GALNT15: variants seen among roughly 807,000 people sequenced by gnomAD.
The protein encoded by GALNT15 is UDP-GalNAc transferase T15.
A neutral mutation model predicts 66.8 loss-of-function variants in GALNT15; 67 were observed. That is an observed-to-expected ratio of 1.00 (90% CI 0.82 to 1.23). The LOEUF is 1.23. Ranked by LOEUF, GALNT15 falls within the 50% of genes most tolerant of loss-of-function variation. GALNT15 has a pLI of 0.00. For missense variants in GALNT15, 827 were observed against 804.3 expected, an observed-to-expected ratio of 1.03 and a Z score of -0.34; for synonymous variants, 313 against 311.5, an observed-to-expected ratio of 1.00 and a Z score of -0.05.
chr3:16,196,713 T>C (rs772480200), intron 2 of GALNT15, among the ~76,000 whole-genome samples: 8 of 152,230 alleles, frequency 5.3e-5, no homozygotes, highest in South Asian at 2.1e-4. Flanking sequence ...CAGGTGATGC[T>C]GATGCTGCTG....
Position 16,229,349 on chromosome 3 carries a change from T to G in GALNT15, c.*1849T>G, listed in dbSNP as rs2064057470. On this transcript the variant is annotated 3_prime_UTR_variant, in exon 10 of 10. Transcript: ENST00000339732. Reference sequence around the variant, plus strand: ...ATTAAAATCAAAGAAAATTTAAAACTCAATTCCTCAATTGGGCTGGCCACA... The same window carrying G: ...ATTAAAATCAAAGAAAATTTAAAACGCAATTCCTCAATTGGGCTGGCCACA... 1.1e-6 allele frequency: 1 copy of G among 871,654 alleles called. No individual in the cohort carries two copies. Among genetic ancestry groups the G allele is most frequent in the African/African-American group, 1.8e-5 (1 of 54,750 alleles). 54.0% of individuals were successfully genotyped at this position (871,654 alleles called of 1,614,324 possible). A position where few individuals can be genotyped will look rare whatever the true frequency, so the allele number is the denominator to read the frequency against.
At position 16,191,539 on chromosome 3, in the gene GALNT15, C is replaced by T. The variant is rs1027441553; in HGVS notation, c.540-4221C>T. 6.4e-6 allele frequency: 1 copy of T among 155,628 alleles called. No homozygotes were observed. Among genetic ancestry groups the T allele is most frequent in the African/African-American group, 2.4e-5 (1 of 41,508 alleles). 9.6% of individuals were successfully genotyped at this position (155,628 alleles called of 1,614,324 possible). On this transcript the variant is annotated intron_variant, in intron 1 of 9. Transcript: ENST00000339732. This position sits in a 1 kb window ranked among gnomAD's most constrained non-coding sequence, Gnocchi z 5.2. ...CTCCGCAGCTAGGAAGTGGTGGAGC[C>T]TCAGTGTCCACAACCTGAGTTACCA...
At chr3:16,226,249 T>G (rs2064016248) in intron 9 of GALNT15, among the ~76,000 whole-genome samples, 1 of 152,122 alleles carries the variant, frequency 6.6e-6, no homozygotes, top group South Asian at 2.1e-4. Flanking sequence ...AATGAAAATA[T>G]TCTGGAAGTA....
rs1417948076 is a variant in GALNT15, at chr3:16,195,059, T to C, written c.540-701T>C. ...GGTGCTATGCTAGGTTGTAGGAACA[T>C]AAAAATAAAGAAAATAGTGTCCCTG... On this transcript the variant is annotated intron_variant, in intron 1 of 9. Coordinates refer to ENST00000339732, the MANE Select transcript of GALNT15 (RefSeq NM_054110.5). This position sits in a 1 kb window ranked among gnomAD's most constrained non-coding sequence, Gnocchi z 4.6. Among the ~76,000 whole-genome samples the C allele has an allele frequency of 6.6e-6, 1 of 152,124 alleles. No homozygotes were observed. Among genetic ancestry groups the C allele is most frequent in the African/African-American group, 2.4e-5 (1 of 41,412 alleles).
At chr3:16,197,313 A>C (rs944033264) in intron 2 of GALNT15, among the ~76,000 whole-genome samples, 27 of 152,254 alleles carry the variant, frequency 1.8e-4, no homozygotes, top group Admixed American at 1.7e-3. Context: ...CCTCCTGGCC[A>C]ACTCCCCTTC....
intron 2 of GALNT15, among the ~76,000 whole-genome samples, chr3:16,198,816 T>C (rs2063667845): frequency 7.1e-6 from 1 of 140,004 alleles, no homozygotes; most frequent in African/African-American, 2.7e-5. Context: ...AGGGAAGGAG[T>C]GTATGAAGTC....
rs2063403198 is a variant in GALNT15 at position 16,175,800 on chromosome 3, G to A, written c.539+110G>A. 3 of 1,016,506 alleles carry A rather than the reference G, an allele frequency of 3.0e-6. No individual in the cohort carries two copies. Among genetic ancestry groups the A allele is most frequent in the Non-Finnish European group, 4.2e-6 (3 of 716,970 alleles). 63.0% of individuals were successfully genotyped at this position (1,016,506 alleles called of 1,614,324 possible). A position where few individuals can be genotyped will look rare whatever the true frequency, so the allele number is the denominator to read the frequency against. ...CTGCCTCTCCTGACTTAGAGCAAGT[G>A]CTTTTCAAGATGCAGTACCTGGGCC... On this transcript the variant is annotated intron_variant, in intron 1 of 9. Coordinates refer to ENST00000339732, the MANE Select transcript of GALNT15 (RefSeq NM_054110.5). This position sits in a 1 kb window ranked among gnomAD's most constrained non-coding sequence, Gnocchi z 5.6.
At chr3:16,231,707 T>A, downstream of GALNT15, 2 of 1,019,484 alleles carry the variant, frequency 2.0e-6, no homozygotes, top group Non-Finnish European at 2.9e-6. The surrounding 1 kb of genome is among the most constrained non-coding windows in gnomAD (Gnocchi z 4.1). Context: ...TAGCTCATAG[T>A]CAATGGACAT....
At position 16,175,244 on chromosome 3, in the gene GALNT15, G is replaced by C. The variant is rs144505316; in HGVS notation, c.93G>C (p.Ala31=). 1.2e-6 allele frequency: 2 copies of C among 1,614,116 alleles called. No individual in the cohort carries two copies. The highest frequency in any genetic ancestry group is 2.2e-5 in the South Asian group (2 of 91,082). ...LMLGCVLMMV[A]MLHPPHHTLH... is the part of the protein sequence containing the mutation. ...TGGGATGCGTCCTGATGATGGTGGC[G>C]ATGTTGCACCCTCCCCACCACACCC... Residue 31 remains alanine, a synonymous_variant, in exon 1 of 10, where the codon GCG becomes GCC. Coordinates refer to ENST00000339732, the MANE Select transcript of GALNT15 (RefSeq NM_054110.5). This position sits in a 1 kb window ranked among gnomAD's most constrained non-coding sequence, Gnocchi z 5.6.
At chr3:16,238,504 T>C in the GALNT15 span, among the ~76,000 whole-genome samples, 38 of 152,280 alleles carry the variant, frequency 2.5e-4, no homozygotes, top group African/African-American at 8.9e-4. This position sits in a 1 kb window ranked among gnomAD's most constrained non-coding sequence, Gnocchi z 4.8. Context: ...GCAATAGTTG[T>C]TGTACTCAAG....
intron 2 of GALNT15, among the ~76,000 whole-genome samples, chr3:16,198,452 C>A (rs574318285): frequency 7.0e-6 from 1 of 141,866 alleles, no homozygotes; most frequent in African/African-American, 2.6e-5. Flanking sequence ...TCGAGAGATA[C>A]GTGTTTTTAG....
At chr3:16,220,862 G>A (rs1211051766) in intron 8 of GALNT15, among the ~76,000 whole-genome samples, 1 of 152,208 alleles carries the variant, frequency 6.6e-6, no homozygotes, top group Admixed American at 6.5e-5. Flanking sequence ...TGGGCCTATA[G>A]GACATGTGGG....
At position 16,208,542 on chromosome 3, in the gene GALNT15, G is replaced by C. The variant is rs2063781349; in HGVS notation, c.951G>C (p.Trp317Cys). Reference protein sequence around the residue: ...VVSPVIDVIDWKTFQYYPSKD... With the variant: ...VVSPVIDVIDCKTFQYYPSKD... Reference sequence around the variant, plus strand: ...CTCCGGTGATAGATGTGATTGACTGGAAGACTTTCCAGTATTACCCCTCAA... The same window carrying C: ...CTCCGGTGATAGATGTGATTGACTGCAAGACTTTCCAGTATTACCCCTCAA... Residue 317 changes from tryptophan to cysteine, a missense_variant, in exon 4 of 10, where the codon TGG becomes TGC. Physicochemically the swap from Trp to Cys is radical, Grantham distance 215. Coordinates refer to ENST00000339732, the MANE Select transcript of GALNT15 (RefSeq NM_054110.5). 5 of 1,614,002 alleles carry C rather than the reference G, an allele frequency of 3.1e-6. No homozygotes were observed. The highest frequency in any genetic ancestry group is 1.7e-5 in the Admixed American group (1 of 59,998).
rs550362268 is a variant in GALNT15 at position 16,195,971 on chromosome 3, C to T, written c.706+45C>T. 1 of 1,596,128 alleles carries T rather than the reference C, an allele frequency of 6.3e-7. No homozygotes were observed. On this transcript the variant is annotated intron_variant, in intron 2 of 9. Transcript: ENST00000339732. The surrounding 1 kb of genome is among the most constrained non-coding windows in gnomAD (Gnocchi z 4.6). ...AGGCTCGTCTGGGTGAGCCTTACCC[C>T]CTGGCGGGTGGAGTTCTCAAGCAAA... is the stretch of plus-strand genomic sequence containing the variant.
Position 16,227,671 on chromosome 3 carries a change from A to T in GALNT15, c.*171A>T. On this transcript the variant is annotated 3_prime_UTR_variant, in exon 10 of 10. Transcript: ENST00000339732. The surrounding 1 kb of genome is among the most constrained non-coding windows in gnomAD (Gnocchi z 4.5). ...AGGAAGTTTCTCCTTTTCACACCTT[A>T]TTTCATTGACTGCTGGCTGCTTTAA... The T allele has an allele frequency of 7.0e-7, 1 of 1,419,824 alleles. No individual in the cohort carries two copies. The highest frequency in any genetic ancestry group is 9.1e-7 in the Non-Finnish European group (1 of 1,096,116). 88.0% of individuals were successfully genotyped at this position (1,419,824 alleles called of 1,614,324 possible).
At chr3:16,238,759 G>A in the GALNT15 span, among the ~76,000 whole-genome samples, 3 of 152,182 alleles carry the variant, frequency 2.0e-5, no homozygotes, top group Non-Finnish European at 4.4e-5. The surrounding 1 kb of genome is among the most constrained non-coding windows in gnomAD (Gnocchi z 4.8). Flanking sequence ...AAATAAAACA[G>A]GGACTGTCCA....
the GALNT15 span, among the ~76,000 whole-genome samples, chr3:16,246,781 AG>A: frequency 6.6e-6 from 1 of 152,252 alleles, no homozygotes; most frequent in Non-Finnish European, 1.5e-5. Flanking sequence ...TAAAAAGAAA[AG>A]TATTTATAGC....
chr3:16,193,763 C>A lies in GALNT15; in HGVS notation c.540-1997C>A, dbSNP rs1053218698. ...CACCTCACAGATTCCTTTAGGTGTC[C>A]GAAGTTTGGGGTCCTTGAGATGGCT... On this transcript the variant is annotated intron_variant, in intron 1 of 9. Transcript: ENST00000339732. This position sits in a 1 kb window ranked among gnomAD's most constrained non-coding sequence, Gnocchi z 4.7. Among the ~76,000 whole-genome samples the A allele has an allele frequency of 6.6e-6, 1 of 152,124 alleles. No homozygotes were observed. The highest frequency in any genetic ancestry group is 1.5e-5 in the Non-Finnish European group (1 of 68,038).
At chr3:16,197,137 G>A (rs1197667479) in intron 2 of GALNT15, among the ~76,000 whole-genome samples, 2 of 152,228 alleles carry the variant, frequency 1.3e-5, no homozygotes, top group Non-Finnish European at 2.9e-5. Context: ...GTCCGCCCAA[G>A]AGCACACCTG....
Sources: gnomAD v4.1 joint callset for allele counts (sites outside exome capture counted in the v4.1 genomes callset) on GRCh38, gnomAD v4.1.1 for gene constraint, Gnocchi (gnomAD v3.1) non-coding constraint, MANE v1.5 for transcripts, NCBI Gene and HGNC (gene_info 2026-07-23, HGNC 2026-07-21) for gene names.